Variants in ZFHX3 observed in about 807,000 individuals in gnomAD.
ZFHX3 encodes the protein zinc finger homeobox 3, also known as zinc finger homeobox protein 3.
ZFHX3 carries 42 observed loss-of-function variants against 279.1 expected under a neutral mutation model. The observed-to-expected ratio is 0.15, with a 90% CI of 0.12 to 0.19. The LOEUF (loss-of-function observed/expected upper bound fraction) is 0.19. Among genes scored for constraint, ZFHX3 ranks in the 10% least tolerant of loss-of-function variants. ZFHX3 has a pLI of 1.00. For synonymous variants in ZFHX3, 2,293 were observed against 1,957.8 expected, an observed-to-expected ratio of 1.17 and a Z score of -4.52; for missense variants, 4,981 against 4,754.0, an observed-to-expected ratio of 1.05 and a Z score of -1.40.
At chr16:73,087,600 G>T (rs1453824556) in intron 8 of ZFHX3, among the ~76,000 whole-genome samples, 1 of 152,116 alleles carries the variant, frequency 6.6e-6, no homozygotes, top group Non-Finnish European at 1.5e-5. Context: ...TTAAAAATGG[G>T]GGGTGATGGA....
intron 3 of ZFHX3, among the ~76,000 whole-genome samples, chr16:73,421,978 A>C (rs749627465): frequency 1.3e-5 from 2 of 152,248 alleles, no homozygotes; most frequent in Non-Finnish European, 2.9e-5. Context: ...ACAAATCACA[A>C]CATACAATAA....
chr16:73,300,687 A>C (rs1358749029), intron 4 of ZFHX3, among the ~76,000 whole-genome samples: 5 of 152,122 alleles, frequency 3.3e-5, no homozygotes, highest in Non-Finnish European at 7.4e-5. Context: ...TATTTTTAGT[A>C]GAGACGGAGT....
chr16:73,654,854 C>CTTTTTTTTTTTTTTTTTTTTTTTTTT, intron 2 of ZFHX3, among the ~76,000 whole-genome samples: 1 of 64,126 alleles, frequency 1.6e-5, no homozygotes, highest in Non-Finnish European at 2.7e-5. Flanking sequence ...ATAGTAATCA[C>CTTTTTTTTTTTTTTTTTTTTTTTTTT]TTTTTTTTTT....
chr16:73,868,417 G>A (rs191751077), intron 1 of ZFHX3, among the ~76,000 whole-genome samples: 229 of 152,328 alleles, frequency 1.5e-3, no homozygotes, highest in Non-Finnish European at 2.3e-3. Context: ...CCAGCTACTC[G>A]GGAGGCCGAG....
chr16:72,950,276 C>T (rs1445603468), intron 3 of ZFHX3, among the ~76,000 whole-genome samples, 193 bp downstream of exon 3: 2 of 152,126 alleles, frequency 1.3e-5, no homozygotes, highest in African/African-American at 2.4e-5. Context: ...AAGCTACTCA[C>T]TGAACCTGTC....
intron 1 of ZFHX3, among the ~76,000 whole-genome samples, chr16:73,854,909 C>T (rs1435881622): frequency 6.6e-6 from 1 of 151,556 alleles, no homozygotes; most frequent in African/African-American, 2.4e-5. Context: ...AGGGAGTGTA[C>T]CTGAACACAA....
rs546887984 is a variant in ZFHX3 at position 73,670,425 on chromosome 16, C to T, written c.-1547+9755G>A. Among the ~76,000 whole-genome samples, 92 of 152,136 alleles carry T rather than the reference C, an allele frequency of 6.0e-4. 1 individual carries two copies. The highest frequency in any genetic ancestry group is 8.5e-4 in the Non-Finnish European group (58 of 68,032). The stretch of plus-strand genomic sequence containing the variant: ...TTTGTTGGCCAATATGGATTATTTG[C>T]AGTAAAACACTCAGAGCTCCAAATC... On this transcript the variant is annotated intron_variant, in intron 2 of 17. Coordinates refer to the ZFHX3 transcript ENST00000641206.
At chr16:72,819,914 A>G (rs1341296313) in intron 5 of ZFHX3, among the ~76,000 whole-genome samples, 2 of 152,204 alleles carry the variant, frequency 1.3e-5, no homozygotes, top group Non-Finnish European at 2.9e-5. Flanking sequence ...TTCTTTCCAC[A>G]TGTCCTGTCC....
chr16:73,862,351 T>C (rs964884625), intron 1 of ZFHX3, among the ~76,000 whole-genome samples: 7 of 152,206 alleles, frequency 4.6e-5, no homozygotes, highest in Non-Finnish European at 7.3e-5. Context: ...AAGAACCCCA[T>C]CAACTACATA....
intron 3 of ZFHX3, among the ~76,000 whole-genome samples, chr16:72,934,396 C>T (rs549130254): frequency 6.6e-6 from 1 of 152,152 alleles, no homozygotes; most frequent in African/African-American, 2.4e-5. Context: ...CCATTGCATT[C>T]CTGCCTGGGT....
intron 5 of ZFHX3, among the ~76,000 whole-genome samples, chr16:73,246,858 A>G (rs2013296039): frequency 6.6e-6 from 1 of 152,230 alleles, no homozygotes; most frequent in African/African-American, 2.4e-5. Context: ...TGAGGGTTGT[A>G]GAAGTTTTGT....
intron 3 of ZFHX3, among the ~76,000 whole-genome samples, chr16:72,939,091 A>G (rs1960278411): frequency 6.6e-6 from 1 of 152,144 alleles, no homozygotes; most frequent in African/African-American, 2.4e-5. Flanking sequence ...TTCTCTATCT[A>G]TAATTATTTT....
At position 72,797,416 on chromosome 16, in the gene ZFHX3, G is replaced by C. The variant is rs774336639; in HGVS notation, c.5266C>G (p.Leu1756Val). Residue 1756 changes from leucine to valine, a missense_variant, in exon 9 of 10, where the codon CTG becomes GTG. Transcript: ENST00000268489. ...AQAQAQVQAH[L>V]QQELQQQAAL... ...GCCTGTTGCTGCAGCTCCTGCTGCA[G>C]GTGAGCTTGAACTTGAGCCTGGGCC... 1 of 1,612,494 alleles carries C rather than the reference G, an allele frequency of 6.2e-7. No homozygotes were observed. Among genetic ancestry groups the C allele is most frequent in the South Asian group, 1.1e-5 (1 of 90,550 alleles).
intron 1 of ZFHX3, among the ~76,000 whole-genome samples, chr16:73,010,274 C>T (rs907385765): frequency 6.6e-6 from 1 of 152,156 alleles, no homozygotes; most frequent in African/African-American, 2.4e-5. Flanking sequence ...CCACCTGCAT[C>T]GCCCGTGTGC....
At chr16:72,872,625 T>A (rs1327146121) in intron 4 of ZFHX3, among the ~76,000 whole-genome samples, 1 of 152,066 alleles carries the variant, frequency 6.6e-6, no homozygotes, top group Non-Finnish European at 1.5e-5. Context: ...GTCTGGCTAA[T>A]TTTTTGTATT....
intron 2 of ZFHX3, among the ~76,000 whole-genome samples, chr16:73,611,059 C>G (rs1416761805): frequency 6.6e-6 from 1 of 152,206 alleles, no homozygotes; most frequent in Non-Finnish European, 1.5e-5. Flanking sequence ...TGTGATAGGT[C>G]TCATAAATCC....
intron 4 of ZFHX3, among the ~76,000 whole-genome samples, chr16:73,273,472 G>A (rs951890663): frequency 6.6e-6 from 1 of 152,088 alleles, no homozygotes; most frequent in African/African-American, 2.4e-5. Flanking sequence ...TATTTTCCAT[G>A]CATATACCAT....
At chr16:73,041,126 G>C (rs932792023) in intron 1 of ZFHX3, among the ~76,000 whole-genome samples, 11 of 152,178 alleles carry the variant, frequency 7.2e-5, no homozygotes, top group Non-Finnish European at 1.3e-4. Flanking sequence ...GCCAGACCCT[G>C]CCCTGTTTTA....
intron 5 of ZFHX3, among the ~76,000 whole-genome samples, chr16:73,158,340 C>G (rs1967146951): frequency 6.6e-6 from 1 of 152,180 alleles, no homozygotes; most frequent in African/African-American, 2.4e-5. Context: ...CTTTATAAGA[C>G]TGGTAGTATT....
Sources: gnomAD v4.1 joint callset for allele counts (sites outside exome capture counted in the v4.1 genomes callset) on GRCh38, gnomAD v4.1.1 for gene constraint, MANE v1.5 for transcripts, NCBI Gene and HGNC (gene_info 2026-07-23, HGNC 2026-07-21) for gene names.